PDE6B: variants seen among roughly 807,000 people sequenced by gnomAD.
PDE6B encodes the protein rod cGMP-specific 3',5'-cyclic phosphodiesterase subunit beta.
PDE6B carries 106 observed loss-of-function variants against 109.0 expected under a neutral mutation model. The ratio of observed to expected loss-of-function variants is 0.97; its 90% CI spans 0.83 to 1.14. The LOEUF (loss-of-function observed/expected upper bound fraction) is 1.14. Ranked by LOEUF, PDE6B falls within the 50% of genes most tolerant of loss-of-function variation. The pLI, the probability that PDE6B is intolerant of heterozygous loss-of-function variation, is 0.00. For synonymous variants in PDE6B, 490 were observed against 471.3 expected (o/e 1.04, Z -0.51); for missense variants, 1,193 against 1,155.6 (o/e 1.03, Z -0.47).
chr4:635,906 C>T lies in PDE6B; in HGVS notation c.648C>T (p.Ala216=), dbSNP rs775266515. ...TGTTCTTGAAGTACCTGAATTTTGC[C>T]ACGTTGTACCTGAAGATCTATCACC... ...EDVFLKYLNF[A]TLYLKIYHLS... is the part of the protein sequence containing the mutation. The change falls in exon 3 of 22, where the codon GCC becomes GCT. Residue 216 remains alanine, a synonymous_variant. Coordinates refer to ENST00000496514, the MANE Select transcript of PDE6B (RefSeq NM_000283.4). The T allele has an allele frequency of 1.2e-6, 2 of 1,602,576 alleles. No homozygotes were observed. Among genetic ancestry groups the T allele is most frequent in the East Asian group, 2.2e-5 (1 of 44,842 alleles).
At chr4:627,291 G>A (rs35853545) in intron 1 of PDE6B, among the ~76,000 whole-genome samples, 2 of 152,098 alleles carry the variant, frequency 1.3e-5, no homozygotes, top group Middle Eastern at 3.4e-3. Context: ...GACTAGAGGT[G>A]CCCGCCACCA....
At chr4:632,387 C>A (rs1240423134) in intron 1 of PDE6B, among the ~76,000 whole-genome samples, 1 of 151,566 alleles carries the variant, frequency 6.6e-6, no homozygotes, top group East Asian at 1.9e-4. Flanking sequence ...TTGTGTGGAT[C>A]CATGTGGTGC....
At position 630,795 on chromosome 4, in the gene PDE6B, G is replaced by A. The variant is rs116696689; in HGVS notation, c.469-3882G>A. Reference sequence around the variant, plus strand: ...AGCTGTTCCTCTCGGTCCTAAGGGTGTGGGGGCTGGTGAGACACAAAGAGG... The same window carrying A: ...AGCTGTTCCTCTCGGTCCTAAGGGTATGGGGGCTGGTGAGACACAAAGAGG... On this transcript the variant is annotated intron_variant, in intron 1 of 21. Transcript: ENST00000496514. 9.1e-3 allele frequency among the ~76,000 whole-genome samples: 1,383 copies of A among 152,364 alleles called. 12 individuals carry two copies. Among genetic ancestry groups the A allele is most frequent in the Non-Finnish European group, 0.013 (892 of 68,026 alleles).
chr4:664,763 G>A (rs542241688), intron 17 of PDE6B, 118 bp from the exon 18 acceptor site: 109 of 828,216 alleles, frequency 1.3e-4, no homozygotes, highest in Non-Finnish European at 1.5e-4. Flanking sequence ...CTGAGATTGC[G>A]CCATTGCACT....
At chr4:661,105 G>T in intron 12 of PDE6B, 9 of 157,910 alleles carry the variant, frequency 5.7e-5, no homozygotes, top group Admixed American at 1.8e-4. Context: ...ATGGAGAAGT[G>T]GGTGGATGAG....
In PDE6B at chr4:670,213, G is replaced by T; in HGVS notation, c.*106G>T. ...AAGAGGTTAGGAAGCCCAAGAAAAT[G>T]ACTGAAGATCATTCTGGATATTTTA... On this transcript the variant is annotated 3_prime_UTR_variant, in exon 22 of 22. Transcript: ENST00000496514. 6.6e-7 allele frequency: 1 copy of T among 1,513,406 alleles called. No individual in the cohort carries two copies. The highest frequency in any genetic ancestry group is 1.1e-5 in the South Asian group (1 of 87,192). 93.7% of individuals were successfully genotyped at this position (1,513,406 alleles called of 1,614,324 possible). A position where few individuals can be genotyped will look rare whatever the true frequency, so the allele number is the denominator to read the frequency against.
intron 3 of PDE6B, among the ~76,000 whole-genome samples, chr4:649,557 G>T (rs1002283713): frequency 1.3e-5 from 2 of 152,092 alleles, no homozygotes; most frequent in Admixed American, 1.3e-4. Context: ...CACTCGCTGG[G>T]GTCCCTTATG....
At chr4:664,738 G>T (rs568982329) in intron 17 of PDE6B, 143 bp from the exon 18 acceptor site, 1 of 752,918 alleles carries the variant, frequency 1.3e-6, no homozygotes, top group Non-Finnish European at 2.5e-6. Context: ...ATCGGGAGGC[G>T]GAGGTTGCAG....
At chr4:635,290 T>TGCCTCCCTGCCC (rs1244422980) in intron 2 of PDE6B, among the ~76,000 whole-genome samples, 10 of 143,960 alleles carry the variant, frequency 6.9e-5, no homozygotes, top group African/African-American at 2.1e-4. Flanking sequence ...CCTCCCTGCC[T>TGCCTCCCTGCCC]GCCTCCCTGC....
intron 12 of PDE6B, among the ~76,000 whole-genome samples, 172 bp downstream of exon 12, chr4:660,785 T>G (rs544366567): frequency 1.2e-4 from 18 of 152,006 alleles, no homozygotes; most frequent in Admixed American, 3.3e-4. Flanking sequence ...ACAGGTAAAA[T>G]GCACACGGGA....
intron 3 of PDE6B, among the ~76,000 whole-genome samples, chr4:637,250 T>C (rs1734733472): frequency 6.6e-6 from 1 of 152,014 alleles, no homozygotes; most frequent in Admixed American, 6.6e-5. Context: ...TTTATGTTTT[T>C]GGTTTTTGTT....
chr4:660,751 G>C (rs1736970368), intron 12 of PDE6B, 138 bp downstream of exon 12: 1 of 750,442 alleles, frequency 1.3e-6, no homozygotes, highest in Non-Finnish European at 2.4e-6. Flanking sequence ...AGGAAGTTTA[G>C]AGGGCCGACA....
In PDE6B at chr4:662,865, T is replaced by C. The variant is rs557967663; in HGVS notation, c.1833-235T>C. Among the ~76,000 whole-genome samples, 124 of 145,634 alleles carry C rather than the reference T, an allele frequency of 8.5e-4. 1 individual carries two copies. The highest frequency in any genetic ancestry group is 2.7e-3 in the African/African-American group (107 of 39,448). The stretch of plus-strand genomic sequence containing the variant: ...AAAAAAAAAAAAAAAAAGCTGTGTA[T>C]GGTGGCGCACACCTGTGGTCCCAGC... On this transcript the variant is annotated intron_variant, in intron 14 of 21. Coordinates refer to ENST00000496514, the MANE Select transcript of PDE6B (RefSeq NM_000283.4). This position sits in a 1 kb window ranked among gnomAD's most constrained non-coding sequence, Gnocchi z 4.3.
rs1283726954 is a variant in PDE6B at position 666,672 on chromosome 4, G to C, written c.2352+58G>C. Reference sequence around the variant, plus strand: ...GGGCAGGGTGGCTGGGAGCAGGCAAGGGGGCGCGGGCTGGAGTCGCGTGGA... The same window carrying C: ...GGGCAGGGTGGCTGGGAGCAGGCAACGGGGCGCGGGCTGGAGTCGCGTGGA... On this transcript the variant is annotated intron_variant, in intron 20 of 21. Transcript: ENST00000496514. This position sits in a 1 kb window ranked among gnomAD's most constrained non-coding sequence, Gnocchi z 5.6. 5.1e-6 allele frequency: 6 copies of C among 1,182,392 alleles called. No individual in the cohort carries two copies. The Admixed American group carries it at 1.0e-4, about 20-fold the overall frequency. The allele number at this position is 1,182,392 out of a possible 1,614,324, so 73.2% of individuals were successfully genotyped here.
chr4:666,465 G>A lies in PDE6B; in HGVS notation c.2269-66G>A. 1 of 1,036,040 alleles carries A rather than the reference G, an allele frequency of 9.7e-7. No homozygotes were observed. The highest frequency in any genetic ancestry group is 1.5e-6 in the Non-Finnish European group (1 of 654,884). 64.2% of individuals were successfully genotyped at this position (1,036,040 alleles called of 1,614,324 possible). A position where few individuals can be genotyped will look rare whatever the true frequency, so the allele number is the denominator to read the frequency against. On this transcript the variant is annotated intron_variant, in intron 19 of 21. Coordinates refer to ENST00000496514, the MANE Select transcript of PDE6B (RefSeq NM_000283.4). This position sits in a 1 kb window ranked among gnomAD's most constrained non-coding sequence, Gnocchi z 5.6. ...CACATCTGAGTGAGGGGGTCGGGGG[G>A]CTGGGCGGGGCCCCAGGAGCTGCCT...
intron 8 of PDE6B, among the ~76,000 whole-genome samples, chr4:656,625 C>A (rs1275650063): frequency 2.0e-5 from 3 of 152,222 alleles, no homozygotes; most frequent in African/African-American, 7.2e-5. Flanking sequence ...CACACACATG[C>A]CCATGAAACC....
chr4:662,494 G>T lies in PDE6B; in HGVS notation c.1723-15G>T. On this transcript the variant is annotated splice_polypyrimidine_tract_variant and intron_variant, in intron 13 of 21. Transcript: ENST00000496514. The surrounding 1 kb of genome is among the most constrained non-coding windows in gnomAD (Gnocchi z 4.3). ...GGAGCCAGGACCGGTGAGCAAGGTG[G>T]CCCTGTCTCTACAGACCGGCAAACT... is the stretch of plus-strand genomic sequence containing the variant. The T allele has an allele frequency of 1.3e-6, 2 of 1,556,632 alleles. No individual in the cohort carries two copies. Among genetic ancestry groups the T allele is most frequent in the East Asian group, 2.2e-5 (1 of 44,628 alleles).
intron 3 of PDE6B, among the ~76,000 whole-genome samples, chr4:637,619 G>C (rs1330111616): frequency 1.3e-5 from 2 of 152,194 alleles, no homozygotes; most frequent in African/African-American, 2.4e-5. Flanking sequence ...CCTTCTGTTG[G>C]AAAGCAGTAA....
rs1737684560 is a variant in PDE6B at position 665,419 on chromosome 4, C to T, written c.2268+90C>T. 3.4e-6 allele frequency: 3 copies of T among 884,536 alleles called. No homozygotes were observed. Among genetic ancestry groups the T allele is most frequent in the Admixed American group, 3.8e-5 (2 of 53,182 alleles). The allele number at this position is 884,536 out of a possible 1,614,324, so 54.8% of individuals were successfully genotyped here. A position where few individuals can be genotyped will look rare whatever the true frequency, so the allele number is the denominator to read the frequency against. ...GGAGCCTCAGGTCCTGGCTTGGTCT[C>T]AGGCAGGGGGTTCTGAGGTCGTGGG... On this transcript the variant is annotated intron_variant, in intron 19 of 21. Coordinates refer to ENST00000496514, the MANE Select transcript of PDE6B (RefSeq NM_000283.4). The surrounding 1 kb of genome is among the most constrained non-coding windows in gnomAD (Gnocchi z 4.0).
Sources: allele counts gnomAD v4.1 joint callset (sites outside exome capture counted in the v4.1 genomes callset), GRCh38; gene constraint gnomAD v4.1.1; non-coding constraint Gnocchi (gnomAD v3.1); transcripts MANE v1.5; gene names NCBI Gene and HGNC (gene_info 2026-07-23, HGNC 2026-07-21).